ZRANB2: variants seen among roughly 807,000 people sequenced by gnomAD.
ZRANB2 encodes the protein zinc finger Ran-binding domain-containing protein 2.
A neutral mutation model predicts 53.4 loss-of-function variants in ZRANB2; 19 were observed. That is an observed-to-expected ratio of 0.36 (90% confidence interval 0.25 to 0.52). The LOEUF is 0.52. Among genes scored for constraint, ZRANB2 ranks in the 20% least tolerant of loss-of-function variants. ZRANB2 has a pLI of 0.93. For missense variants in ZRANB2, 309 were observed against 401.1 expected, an observed-to-expected ratio of 0.77 and a Z score of 1.96; for synonymous variants, 145 against 134.8, an observed-to-expected ratio of 1.08 and a Z score of -0.52.
At chr1:71,076,638 T>G (rs1661716453) in intron 4 of ZRANB2, among the ~76,000 whole-genome samples, 157 bp downstream of exon 4, 1 of 152,044 alleles carries the variant, frequency 6.6e-6, no homozygotes, top group South Asian at 2.1e-4. Context: ...GATTTGTATG[T>G]GTGTATGGGG....
intron 9 of ZRANB2, chr1:71,065,748 C>A: frequency 6.2e-7 from 1 of 1,612,434 alleles, no homozygotes; most frequent in Non-Finnish European, 8.5e-7. Context: ...TCACCAATCA[C>A]CTGGCTTATG....
intron 9 of ZRANB2, chr1:71,065,604 G>A: frequency 6.7e-7 from 1 of 1,499,356 alleles, no homozygotes. Context: ...TGGAAATCTA[G>A]GTCACACAAG....
Position 71,063,904 on chromosome 1 carries a change from T to C in ZRANB2, c.*1170A>G, listed in dbSNP as rs1013390358. Reference sequence around the variant, plus strand: ...ATAACAAAAAGCCCCCAAGCACAACTGTTGATTTCCTTTGATATACTTACC... The same window carrying C: ...ATAACAAAAAGCCCCCAAGCACAACCGTTGATTTCCTTTGATATACTTACC... On this transcript the variant is annotated 3_prime_UTR_variant, in exon 10 of 10. Transcript: ENST00000370920. The C allele has an allele frequency of 6.6e-6, 1 of 152,350 alleles. No individual in the cohort carries two copies. Among genetic ancestry groups the C allele is most frequent in the African/African-American group, 2.4e-5 (1 of 41,420 alleles). 9.4% of individuals were successfully genotyped at this position (152,350 alleles called of 1,614,324 possible).
intron 4 of ZRANB2, 83 bp downstream of exon 4, chr1:71,076,712 C>T (rs1391506863): frequency 8.6e-6 from 9 of 1,044,314 alleles, no homozygotes; most frequent in Admixed American, 2.1e-5. Context: ...TACTGTGGCT[C>T]TTACTCGAAG....
intron 9 of ZRANB2, 179 bp downstream of exon 9, chr1:71,066,596 TA>T: frequency 2.0e-6 from 1 of 496,778 alleles, no homozygotes. Context: ...TCTACAATTC[TA>T]AACAACCTGA....
At chr1:71,077,118 C>T (rs1447738318) in intron 3 of ZRANB2, among the ~76,000 whole-genome samples, 3 of 152,138 alleles carry the variant, frequency 2.0e-5, no homozygotes, top group Admixed American at 6.5e-5. Flanking sequence ...GTGCCTCTGT[C>T]ATTTTGAGAA....
At chr1:71,080,303 G>A (rs1159822761) in intron 1 of ZRANB2, among the ~76,000 whole-genome samples, 8 of 152,224 alleles carry the variant, frequency 5.3e-5, no homozygotes, top group Middle Eastern at 3.4e-3. Context: ...CTCTGCTGCA[G>A]GCATCTTAAG....
chr1:71,063,495 A>G lies in ZRANB2; in HGVS notation c.*1579T>C, dbSNP rs1482031197. 1 of 152,452 alleles carries G rather than the reference A, an allele frequency of 6.6e-6. No homozygotes were observed. The highest frequency in any genetic ancestry group is 1.9e-4 in the East Asian group (1 of 5,194). 9.4% of individuals were successfully genotyped at this position (152,452 alleles called of 1,614,324 possible). On this transcript the variant is annotated 3_prime_UTR_variant, in exon 10 of 10. Transcript: ENST00000370920. ...AACCTTGCATTTGCTTAGTACAGCC[A>G]AAGTTTTAAATACAGAAAGCACAAG... is the stretch of plus-strand genomic sequence containing the variant.
chr1:71,067,964 T>C (rs534492874), intron 8 of ZRANB2, among the ~76,000 whole-genome samples: 1 of 151,150 alleles, frequency 6.6e-6, no homozygotes, highest in Non-Finnish European at 1.5e-5. Context: ...GCACCCTTAA[T>C]CTCCAGGGCT....
chr1:71,079,198 T>C (rs1661778643), intron 1 of ZRANB2, among the ~76,000 whole-genome samples: 1 of 152,046 alleles, frequency 6.6e-6, no homozygotes, highest in African/African-American at 2.4e-5. Context: ...TAGGTTGTAC[T>C]GACTAAAAAT....
chr1:71,080,874 C>A (rs1019952193), intron 1 of ZRANB2, 66 bp downstream of exon 1: 3 of 1,574,458 alleles, frequency 1.9e-6, no homozygotes, highest in South Asian at 1.1e-5. Flanking sequence ...AGGAAAATGC[C>A]GGACGGACCT....
At chr1:71,072,715 TAC>T (rs1661620988) in intron 4 of ZRANB2, among the ~76,000 whole-genome samples, 167 bp from the exon 5 acceptor site, 1 of 152,038 alleles carries the variant, frequency 6.6e-6, no homozygotes, top group Non-Finnish European at 1.5e-5. Flanking sequence ...CCACAGAAAA[TAC>T]AGAGAACTTA....
intron 4 of ZRANB2, among the ~76,000 whole-genome samples, chr1:71,075,958 C>A (rs1002124254): frequency 6.6e-6 from 1 of 151,814 alleles, no homozygotes; most frequent in Non-Finnish European, 1.5e-5. Flanking sequence ...AGAGCTAGGT[C>A]GAAAAGATTG....
chr1:71,071,765 A>G (rs1478703630), intron 6 of ZRANB2, among the ~76,000 whole-genome samples: 2 of 152,122 alleles, frequency 1.3e-5, no homozygotes, highest in Admixed American at 6.6e-5. Flanking sequence ...TTCAAGTTTC[A>G]GCTCAAACTT....
rs970079822 is a variant in ZRANB2, at chr1:71,063,514, G to C, written c.*1560C>G. The stretch of plus-strand genomic sequence containing the variant: ...ACAGCCAAAGTTTTAAATACAGAAA[G>C]CACAAGAATAAACCAATGGTAACAT... On this transcript the variant is annotated 3_prime_UTR_variant, in exon 10 of 10. Transcript: ENST00000370920. 3.9e-5 allele frequency: 6 copies of C among 152,332 alleles called. No individual in the cohort carries two copies. The highest frequency in any genetic ancestry group is 1.4e-4 in the African/African-American group (6 of 41,428). The allele number at this position is 152,332 out of a possible 1,614,324, so 9.4% of individuals were successfully genotyped here.
At chr1:71,080,776 C>T (rs1573065196) in intron 1 of ZRANB2, among the ~76,000 whole-genome samples, 164 bp downstream of exon 1, 2 of 152,250 alleles carry the variant, frequency 1.3e-5, no homozygotes, top group South Asian at 4.1e-4. Context: ...AAAGACCTCT[C>T]TCGTGAGGAG....
chr1:71,078,024 C>G (rs1352364256), intron 3 of ZRANB2, among the ~76,000 whole-genome samples: 3 of 152,194 alleles, frequency 2.0e-5, no homozygotes, highest in Non-Finnish European at 2.9e-5. Flanking sequence ...AGAAACCTAC[C>G]TATAATTAGA....
rs151183032 is a variant in ZRANB2 at position 71,070,897 on chromosome 1, T to C, written c.613A>G (p.Lys205Glu). 107 of 1,610,528 alleles carry C rather than the reference T, an allele frequency of 6.6e-5. No homozygotes were observed. Among genetic ancestry groups the C allele is most frequent in the Non-Finnish European group, 8.4e-5 (99 of 1,178,272 alleles). The change falls in exon 7 of 10, where the codon AAG (lysine) becomes GAG (glutamate). Residue 205 changes from lysine (K) to glutamate (E), a missense_variant. Physicochemically the swap from Lys to Glu is moderately conservative, Grantham distance 56. Around this residue, in one of 3 missense-constraint regions of ZRANB2, gnomAD observed 211 missense variants for 196.1 expected, o/e 1.08. Coordinates refer to ENST00000370920, the MANE Select transcript of ZRANB2 (RefSeq NM_203350.3). Reference sequence around the variant, plus strand: ...GATCGTGAATGTGAAGATCGAGACTTTGAGCGACTTCGTCTATTAGATTTC... The same window carrying C: ...GATCGTGAATGTGAAGATCGAGACTCTGAGCGACTTCGTCTATTAGATTTC... ...KKKSNRRSRS[K>E]SRSSHSRSSS...
In ZRANB2 at chr1:71,078,575, G is replaced by C; in HGVS notation, c.110-10C>G. ...GCCTCAGTTGTTTTCTCTGAAAACA[G>C]AAAAATCATGCAATATGAACCTGGA... is the stretch of plus-strand genomic sequence containing the variant. On this transcript the variant is annotated splice_polypyrimidine_tract_variant and intron_variant, in intron 2 of 9. Transcript: ENST00000370920. 6.2e-7 allele frequency: 1 copy of C among 1,612,718 alleles called. No homozygotes were observed. The highest frequency in any genetic ancestry group is 8.5e-7 in the Non-Finnish European group (1 of 1,179,058).
Sources: gnomAD v4.1 joint callset for allele counts (sites outside exome capture counted in the v4.1 genomes callset) on GRCh38, gnomAD v4.1.1 for gene constraint, gnomAD v4.1.1 regional missense constraint, MANE v1.5 for transcripts, NCBI Gene and HGNC (gene_info 2026-07-23, HGNC 2026-07-21) for gene names.